Variants in SCN8A observed in about 807,000 individuals in gnomAD.
The protein encoded by SCN8A is sodium voltage-gated channel alpha subunit 8, also known as sodium channel protein type 8 subunit alpha.
Under a neutral mutation model 184.1 loss-of-function variants are expected in SCN8A, and 30 were observed. The ratio of observed to expected loss-of-function variants is 0.16; its 90% CI spans 0.12 to 0.22. The LOEUF is 0.22. Ranked by LOEUF, SCN8A falls within the 10% of genes least tolerant of loss-of-function variation. The probability of loss-of-function intolerance (pLI) is 1.00; values close to 1 mark genes in which losing one functional copy is unlikely to be tolerated. For missense variants in SCN8A, 1,057 were observed against 2,498.9 expected (o/e 0.42, Z 12.30); for synonymous variants, 852 against 907.0 (o/e 0.94, Z 1.09).
chr12:51,780,566 T>A, intron 20 of SCN8A, 83 bp from the exon 21 acceptor site: 1 of 153,800 alleles, frequency 6.5e-6, no homozygotes, highest in South Asian at 7.0e-5. Context: ...GTTTTCTTTC[T>A]TTTTTTTTTT....
At chr12:51,702,179 A>G (rs1211528509) in intron 8 of SCN8A, among the ~76,000 whole-genome samples, 3 of 151,848 alleles carry the variant, frequency 2.0e-5, no homozygotes, top group Non-Finnish European at 4.4e-5. Flanking sequence ...AAAATTAGCC[A>G]GACGTGGTGG....
In SCN8A at chr12:51,721,796, T is replaced by C. The variant is rs2138782988; in HGVS notation, c.1886T>C (p.Ile629Thr). The C allele has an allele frequency of 3.7e-6, 6 of 1,610,078 alleles. No homozygotes were observed. The highest frequency in any genetic ancestry group is 5.1e-6 in the Non-Finnish European group (6 of 1,179,290). The part of the protein sequence containing the change: ...GYSQGSRSSR[I>T]FPSLRRSVKR... ...AGCCAGGGCAGCCGCTCCTCGCGCA[T>C]CTTCCCCAGCCTGCGGCGCAGCGTG... Residue 629 changes from isoleucine (I) to threonine (T), a missense_variant, in exon 12 of 27, where the codon ATC (isoleucine) becomes ACC (threonine). Around this residue, in one of 19 missense-constraint regions of SCN8A, gnomAD observed 322 missense variants for 390.1 expected, o/e 0.83. Transcript: ENST00000627620.
intron 19 of SCN8A, among the ~76,000 whole-genome samples, chr12:51,772,927 T>C (rs1349403402): frequency 2.0e-5 from 3 of 152,064 alleles, no homozygotes; most frequent in East Asian, 1.9e-4. Context: ...CCATCCCAGC[T>C]AACACAGTGA....
chr12:51,711,161 C>T (rs1229888965), intron 11 of SCN8A, among the ~76,000 whole-genome samples: 1 of 152,222 alleles, frequency 6.6e-6, no homozygotes, highest in African/African-American at 2.4e-5. Context: ...GAGAGACTCA[C>T]TGAGCTATGA....
intron 1 of SCN8A, among the ~76,000 whole-genome samples, chr12:51,641,138 T>TA (rs1382130471): frequency 7.9e-5 from 12 of 152,202 alleles, no homozygotes; most frequent in Admixed American, 7.9e-4. Context: ...AATTTAAAAA[T>TA]ACAGTGTAAC....
Position 51,787,796 on chromosome 12 carries a change from G to A in SCN8A, c.4228-899G>A, listed in dbSNP as rs151261184. Among the ~76,000 whole-genome samples the A allele has an allele frequency of 6.3e-3, 959 of 152,306 alleles. 8 individuals are homozygous for A. Among genetic ancestry groups the A allele is most frequent in the Middle Eastern group, 0.017 (5 of 294 alleles). The stretch of plus-strand genomic sequence containing the variant: ...AGTAAGCACTCACTGTCAACTCATA[G>A]TAGAAGGCAAAGTTCATGGAATGAA... On this transcript the variant is annotated intron_variant, in intron 22 of 26. Coordinates refer to ENST00000627620, the MANE Select transcript of SCN8A (RefSeq NM_001330260.2).
At chr12:51,699,120 G>A (rs1044237828) in intron 6 of SCN8A, among the ~76,000 whole-genome samples, 1 of 152,238 alleles carries the variant, frequency 6.6e-6, no homozygotes, top group African/African-American at 2.4e-5. Flanking sequence ...GAGTTGCAAA[G>A]TCAGAGAAGG....
intron 1 of SCN8A, among the ~76,000 whole-genome samples, chr12:51,655,610 GC>G: frequency 6.6e-6 from 1 of 152,264 alleles, no homozygotes; most frequent in East Asian, 1.9e-4. Flanking sequence ...CTGGCCTCAA[GC>G]GATCTTCCCA....
chr12:51,739,628 G>C (rs411176), intron 12 of SCN8A, among the ~76,000 whole-genome samples: 1 of 151,948 alleles, frequency 6.6e-6, no homozygotes, highest in African/African-American at 2.4e-5. Flanking sequence ...AGGCATCCGA[G>C]CTCCCCTTCT....
At chr12:51,714,279 T>A (rs189381921) in intron 11 of SCN8A, among the ~76,000 whole-genome samples, 18 of 152,368 alleles carry the variant, frequency 1.2e-4, no homozygotes. Context: ...TGTACTCTGT[T>A]ATAGTAAAAT....
At chr12:51,592,678 TG>T (rs1223647102) in intron 1 of SCN8A, among the ~76,000 whole-genome samples, 1 of 147,152 alleles carries the variant, frequency 6.8e-6, no homozygotes, top group Non-Finnish European at 1.5e-5. Flanking sequence ...TTATGCACAG[TG>T]GGCACCAGAG....
At chr12:51,778,007 T>C (rs948664845) in intron 20 of SCN8A, among the ~76,000 whole-genome samples, 13 of 152,234 alleles carry the variant, frequency 8.5e-5, no homozygotes, top group African/African-American at 2.4e-4. Context: ...GGGAAGTAGA[T>C]ACCTCCATAT....
At position 51,747,081 on chromosome 12, in the gene SCN8A, CTGTGTGTATGTGTGTGTG is replaced by C. The variant is rs1268228210; in HGVS notation, c.2131+1054_2131+1071del. On this transcript the variant is annotated intron_variant, in intron 13 of 26. Transcript: ENST00000627620. The stretch of plus-strand genomic sequence containing the variant: ...ATTTAAACCCAGTGCCACTTCTACT[CTGTGTGTATGTGTGTGTG>C]TGTGTGTGTGTGTGTGTGTGTGTGT... Among the ~76,000 whole-genome samples the C allele has an allele frequency of 7.2e-4, 65 of 90,638 alleles. 1 individual carries two copies. The highest frequency in any genetic ancestry group is 2.5e-3 in the Admixed American group (18 of 7,202). 59.5% of individuals were successfully genotyped at this position (90,638 alleles called of 152,430 possible).
chr12:51,702,645 G>A (rs1436884496), intron 8 of SCN8A, 128 bp from the exon 9 acceptor site: 3 of 741,538 alleles, frequency 4.0e-6, no homozygotes, highest in Non-Finnish European at 5.8e-6. Flanking sequence ...TGTTGGCCTG[G>A]CTCTATCAAT....
rs74750190 is a variant in SCN8A at position 51,642,879 on chromosome 12, T to C, written c.-54-19885T>C. ...AGTAGGATATCCTCCAGTAACCATT[T>C]AGTGGGTCTGCTCTTCGGCCTGTTA... On this transcript the variant is annotated intron_variant, in intron 1 of 26. Transcript: ENST00000627620. 4.1e-4 allele frequency among the ~76,000 whole-genome samples: 62 copies of C among 152,058 alleles called. No individual in the cohort carries two copies. In the East Asian group the frequency reaches 0.011, roughly 28 times the overall value.
rs373002273 is a variant in SCN8A, at chr12:51,699,571, C to A, written c.708C>A (p.Gly236=). 13 of 1,611,010 alleles carry A rather than the reference C, an allele frequency of 8.1e-6. No homozygotes were observed. Among genetic ancestry groups the A allele is most frequent in the Admixed American group, 1.7e-5 (1 of 59,934 alleles). ...ATTCCGGGGATTCTGTCTCCTCAGGCCTGAAGACAATTGTGGGTGCCCTGA... is the reference window on the plus strand; with the variant it reads ...ATTCCGGGGATTCTGTCTCCTCAGGACTGAAGACAATTGTGGGTGCCCTGA... The part of the protein sequence containing the change: ...RALKTISVIP[G]LKTIVGALIQ... The change falls in exon 7 of 27, where the codon GGC becomes GGA. Residue 236 remains glycine, a splice_region_variant and synonymous_variant. Coordinates refer to ENST00000627620, the MANE Select transcript of SCN8A (RefSeq NM_001330260.2).
intron 1 of SCN8A, among the ~76,000 whole-genome samples, chr12:51,621,548 G>C (rs897045602): frequency 2.0e-5 from 3 of 152,212 alleles, no homozygotes; most frequent in Non-Finnish European, 4.4e-5. Flanking sequence ...GCAGTTATTT[G>C]GCCACAGACT....
rs746209495 is a variant in SCN8A at position 51,706,609 on chromosome 12, G to A, written c.1529G>A (p.Gly510Glu). Reference sequence around the variant, plus strand: ...GAACTCTCTGAAGGAGAGGAGAAAGGGGATCCCGAGAAGGTGTTTAAGTCA... The same window carrying A: ...GAACTCTCTGAAGGAGAGGAGAAAGAGGATCCCGAGAAGGTGTTTAAGTCA... ...QKELSEGEEK[G>E]DPEKVFKSES... Residue 510 changes from glycine to glutamate, a missense_variant, in exon 11 of 27, where the codon GGG becomes GAG. This residue lies in a region of SCN8A where 322 missense variants were observed against 390.1 expected (regional missense o/e 0.83). Coordinates refer to ENST00000627620, the MANE Select transcript of SCN8A (RefSeq NM_001330260.2). The A allele has an allele frequency of 6.8e-6, 11 of 1,608,966 alleles. No homozygotes were observed. The highest frequency in any genetic ancestry group is 9.3e-6 in the Non-Finnish European group (11 of 1,177,446).
At chr12:51,606,618 G>A (rs1328040089) in intron 1 of SCN8A, among the ~76,000 whole-genome samples, 1 of 151,998 alleles carries the variant, frequency 6.6e-6, no homozygotes, top group African/African-American at 2.4e-5. Context: ...TTCTAATTCC[G>A]AGAAGAGTGA....
Sources: allele counts gnomAD v4.1 joint callset (sites outside exome capture counted in the v4.1 genomes callset), GRCh38; gene constraint gnomAD v4.1.1; regional missense constraint gnomAD v4.1.1; transcripts MANE v1.5; gene names NCBI Gene and HGNC (gene_info 2026-07-23, HGNC 2026-07-21).